Variants in MID1 observed in about 807,000 individuals in gnomAD.
The protein encoded by MID1 is E3 ubiquitin-protein ligase Midline-1.
Under a neutral mutation model 40.4 loss-of-function variants are expected in MID1, and 7 were observed. The ratio of observed to expected loss-of-function variants is 0.17; its 90% confidence interval spans 0.10 to 0.33. MID1 has a LOEUF of 0.33. MID1 is among the 10% of genes least tolerant of loss of function. The pLI is 1.00. For missense variants in MID1, 367 were observed against 558.5 expected, an observed-to-expected ratio of 0.66 and a Z score of 3.46; for synonymous variants, 229 against 221.2, an observed-to-expected ratio of 1.04 and a Z score of -0.31.
At chrX:10,793,553 C>A (rs1254508053) in intron 1 of MID1, among the ~76,000 whole-genome samples, 1 of 112,298 alleles carries the variant, frequency 8.9e-6, no homozygotes, top group Non-Finnish European at 1.9e-5. Flanking sequence ...CCTGCTCCCT[C>A]TCCTGCCCAC....
At position 10,449,616 on chromosome X, in the gene MID1, C is replaced by A. The variant is rs777097030; in HGVS notation, c.1756G>T (p.Val586Leu). The change falls in exon 10 of 10, where the codon GTG becomes TTG. Residue 586 changes from valine to leucine, a missense_variant. Physicochemically the swap from Val to Leu is conservative, Grantham distance 32. Coordinates refer to ENST00000317552, the MANE Select transcript of MID1 (RefSeq NM_000381.4). Reference protein sequence around the residue: ...ALCRCNNNWVVRHNSKEIPIE... With the variant: ...ALCRCNNNWVLRHNSKEIPIE... ...GGGATTTCCTTGCTATTGTGTCTCACCACCCAGTTATTGTTGCAGCGGCAG... is the reference window on the plus strand; with the variant it reads ...GGGATTTCCTTGCTATTGTGTCTCAACACCCAGTTATTGTTGCAGCGGCAG... 5 of 1,209,915 alleles carry A rather than the reference C, an allele frequency of 4.1e-6. No homozygotes were observed. The highest frequency in any genetic ancestry group is 5.6e-6 in the Non-Finnish European group (5 of 895,130).
chrX:10,489,722 GTC>G (rs1247422283), intron 4 of MID1, among the ~76,000 whole-genome samples: 6 of 99,697 alleles, frequency 6.0e-5, no homozygotes, highest in Non-Finnish European at 1.2e-4. Context: ...TTGAGACAGA[GTC>G]TCTCTCTGTC....
chrX:10,642,994 A>G (rs764085302), intron 1 of MID1, among the ~76,000 whole-genome samples: 2 of 111,943 alleles, frequency 1.8e-5, no homozygotes, highest in African/African-American at 6.5e-5. Flanking sequence ...CCTTCCTTAC[A>G]TCTTATACAA....
intron 4 of MID1, among the ~76,000 whole-genome samples, chrX:10,490,394 A>G (rs945298588): frequency 8.9e-6 from 1 of 111,778 alleles, no homozygotes; most frequent in African/African-American, 3.2e-5. Context: ...ATCTTATTCT[A>G]TGTCAGATGT....
chrX:10,568,047 G>A (rs1934622635), intron 1 of MID1, among the ~76,000 whole-genome samples: 2 of 111,418 alleles, frequency 1.8e-5, no homozygotes, highest in East Asian at 2.8e-4. Context: ...TAATGTATAC[G>A]AGATTTAAGG....
chrX:10,454,470 C>T (rs182062453), intron 9 of MID1, among the ~76,000 whole-genome samples: 54 of 111,041 alleles, frequency 4.9e-4, no homozygotes, highest in Non-Finnish European at 8.5e-4. Context: ...GAAAGGCAGC[C>T]ATGGACTATA....
At chrX:10,587,284 G>A (rs998349126) in intron 1 of MID1, among the ~76,000 whole-genome samples, 9 of 112,794 alleles carry the variant, frequency 8.0e-5, no homozygotes, top group Non-Finnish European at 1.3e-4. Flanking sequence ...CCACACATCC[G>A]CGTGAGGATG....
intron 4 of MID1, among the ~76,000 whole-genome samples, chrX:10,486,907 T>C (rs376733281): frequency 1.2e-4 from 13 of 112,099 alleles, no homozygotes; most frequent in African/African-American, 3.9e-4. Flanking sequence ...TGGAGTGTAG[T>C]AGCATGATTA....
chrX:10,659,414 A>G (rs2042897050), intron 1 of MID1, among the ~76,000 whole-genome samples: 1 of 111,753 alleles, frequency 8.9e-6, no homozygotes, highest in African/African-American at 3.3e-5. Flanking sequence ...CATGGCACAT[A>G]TGCCACAGAA....
At position 10,533,376 on chromosome X, in the gene MID1, GA is replaced by G. The variant is rs1199629629; in HGVS notation, c.661-10190del. Among the ~76,000 whole-genome samples the G allele has an allele frequency of 9.8e-3, 315 of 32,038 alleles. 2 individuals carry two copies. Among genetic ancestry groups the G allele is most frequent in the African/African-American group, 0.028 (222 of 7,951 alleles). 27.8% of individuals were successfully genotyped at this position (32,038 alleles called of 115,157 possible). The stretch of plus-strand genomic sequence containing the variant: ...AGAAAGAAAGAAAGAAAGAAAGAAA[GA>G]AAAAGAAAGAAAGAAAAGAAAGAAA... On this transcript the variant is annotated intron_variant, in intron 2 of 9. Coordinates refer to ENST00000317552, the MANE Select transcript of MID1 (RefSeq NM_000381.4).
At position 10,566,998 on chromosome X, in the gene MID1, T is replaced by G. The variant is rs1934576611; in HGVS notation, c.550A>C (p.Asn184His). ...TGGTCATCGGTCACACAGTACATAT[T>G]CACCTTCTCATCCTCATGCTCCAAG... is the stretch of plus-strand genomic sequence containing the variant. ...MCLEHEDEKV[N>H]MYCVTDDQLI... Residue 184 changes from asparagine (N) to histidine (H), a missense_variant, in exon 2 of 10, where the codon AAT (asparagine) becomes CAT (histidine). Coordinates refer to ENST00000317552, the MANE Select transcript of MID1 (RefSeq NM_000381.4). 1 of 1,209,929 alleles carries G rather than the reference T, an allele frequency of 8.3e-7. No individual in the cohort carries two copies. The highest frequency in any genetic ancestry group is 1.8e-5 in the South Asian group (1 of 56,779).
At chrX:10,639,658 A>C (rs920525921) in intron 1 of MID1, among the ~76,000 whole-genome samples, 2 of 111,566 alleles carry the variant, frequency 1.8e-5, no homozygotes, top group African/African-American at 3.3e-5. Context: ...CAGGAAATAC[A>C]GAGAATGCCA....
intron 3 of MID1, among the ~76,000 whole-genome samples, chrX:10,516,560 T>TTGTGTGTGTGTGTGTGTGTGTG (rs57101806): frequency 2.7e-5 from 2 of 73,365 alleles, no homozygotes; most frequent in African/African-American, 1.2e-4. Context: ...TACTCTGCTC[T>TTGTGTGTGTGTGTGTGTGTGTG]TGTGTGTGTG....
At chrX:10,719,233 A>T (rs1187900826) in intron 1 of MID1, among the ~76,000 whole-genome samples, 1 of 110,587 alleles carries the variant, frequency 9.0e-6, no homozygotes, top group African/African-American at 3.3e-5. Context: ...AGGGTATTCA[A>T]TTAGGAAAAG....
intron 1 of MID1, among the ~76,000 whole-genome samples, chrX:10,769,305 CAAA>C (rs1222387600): frequency 9.5e-6 from 1 of 104,749 alleles, no homozygotes; most frequent in Non-Finnish European, 2.0e-5. Context: ...AAACCCCAAA[CAAA>C]AAAAAAAGCC....
In MID1 at chrX:10,759,062, C is replaced by A. The variant is rs927416911; in HGVS notation, c.-187+74492G>T. Among the ~76,000 whole-genome samples the A allele has an allele frequency of 3.6e-5, 4 of 111,619 alleles. No homozygotes were observed. The Admixed American group carries it at 3.8e-4, about 11-fold the overall frequency. Reference sequence around the variant, plus strand: ...CACTAATTCCTTTATCAGGAGGTCCCAAATAGAAAATACTCCTTTTTCAAT... The same window carrying A: ...CACTAATTCCTTTATCAGGAGGTCCAAAATAGAAAATACTCCTTTTTCAAT... On this transcript the variant is annotated intron_variant, in intron 1 of 10. Transcript: ENST00000380785.
chrX:10,454,996 T>C lies in MID1; in HGVS notation c.1529A>G (p.Glu510Gly), dbSNP rs1225629827. The part of the protein sequence containing the change: ...SHDNLTVERD[E>G]SSSKKSHTPE... ...TGTGTGACTCTTCTTGGATGATGAC[T>C]CATCACGTTCTACTGTCAAGTTATC... Residue 510 changes from glutamate (E) to glycine (G), a missense_variant, in exon 9 of 10, where the codon GAG becomes GGG. Coordinates refer to ENST00000317552, the MANE Select transcript of MID1 (RefSeq NM_000381.4). 8.3e-7 allele frequency: 1 copy of C among 1,210,449 alleles called. No homozygotes were observed. The highest frequency in any genetic ancestry group is 3.0e-5 in the East Asian group (1 of 33,846).
intron 1 of MID1, among the ~76,000 whole-genome samples, chrX:10,716,730 G>C (rs1206971074): frequency 2.7e-5 from 3 of 111,147 alleles, no homozygotes; most frequent in African/African-American, 9.8e-5. Flanking sequence ...GCAACTCCAA[G>C]ACACATAATT....
At chrX:10,458,552 G>A (rs951982278) in intron 8 of MID1, among the ~76,000 whole-genome samples, 1 of 112,093 alleles carries the variant, frequency 8.9e-6, no homozygotes, top group African/African-American at 3.2e-5. Context: ...GGTTAAGGGT[G>A]TACAGAACTC....
Sources: allele counts gnomAD v4.1 joint callset (sites outside exome capture counted in the v4.1 genomes callset), GRCh38; gene constraint gnomAD v4.1.1; transcripts MANE v1.5; gene names NCBI Gene and HGNC (gene_info 2026-07-23, HGNC 2026-07-21).